SEMA5A: variants seen among roughly 807,000 people sequenced by gnomAD.
SEMA5A encodes the protein semaphorin-5A.
In SEMA5A, 55 loss-of-function variants were observed where a neutral mutation model predicts 135.5. The ratio of observed to expected loss-of-function variants is 0.41; its 90% CI spans 0.33 to 0.51. The LOEUF (loss-of-function observed/expected upper bound fraction) is 0.51. Among genes scored for constraint, SEMA5A ranks in the 20% least tolerant of loss-of-function variants. SEMA5A has a pLI of 0.37. For missense variants in SEMA5A, 1,290 were observed against 1,419.9 expected, an observed-to-expected ratio of 0.91 and a Z score of 1.47; for synonymous variants, 580 against 546.5, an observed-to-expected ratio of 1.06 and a Z score of -0.85.
chr5:9,266,380 A>G (rs1749684397), intron 5 of SEMA5A, among the ~76,000 whole-genome samples: 1 of 152,174 alleles, frequency 6.6e-6, no homozygotes, highest in African/African-American at 2.4e-5. Flanking sequence ...GAAATAAATG[A>G]TCTGGAGGGT....
chr5:9,229,238 A>G (rs1162851660), intron 6 of SEMA5A, among the ~76,000 whole-genome samples: 1 of 152,230 alleles, frequency 6.6e-6, no homozygotes, highest in Admixed American at 6.5e-5. Flanking sequence ...CTTCAGAAGA[A>G]TTACCAAATG....
intron 3 of SEMA5A, among the ~76,000 whole-genome samples, chr5:9,362,285 G>GA (rs1175531273): frequency 6.6e-6 from 1 of 152,128 alleles, no homozygotes; most frequent in Non-Finnish European, 1.5e-5. Flanking sequence ...GAGGATTCCA[G>GA]ACTTGACCTC....
intron 20 of SEMA5A, among the ~76,000 whole-genome samples, chr5:9,051,615 CAA>C (rs1255175122): frequency 3.9e-5 from 6 of 152,142 alleles, no homozygotes; most frequent in South Asian, 2.1e-4. Flanking sequence ...TTTTTTTGAG[CAA>C]AGTCTTCTGA....
At chr5:9,066,113 A>ACTC (rs1737448729) in intron 17 of SEMA5A, among the ~76,000 whole-genome samples, 1 of 152,206 alleles carries the variant, frequency 6.6e-6, no homozygotes, top group African/African-American at 2.4e-5. Flanking sequence ...AAGATCAGTG[A>ACTC]TGCTTCCCCA....
At chr5:9,046,578 C>A (rs547448624) in intron 21 of SEMA5A, among the ~76,000 whole-genome samples, 5 of 152,242 alleles carry the variant, frequency 3.3e-5, no homozygotes, top group South Asian at 2.1e-4. Context: ...GAACCTCATG[C>A]AACCCTCCAG....
At chr5:9,489,778 C>T (rs1392769081) in intron 1 of SEMA5A, among the ~76,000 whole-genome samples, 1 of 152,070 alleles carries the variant, frequency 6.6e-6, no homozygotes, top group African/African-American at 2.4e-5. Context: ...ATTCCAATAA[C>T]AGTGCAAATT....
chr5:9,474,839 G>A (rs1197679113), intron 1 of SEMA5A, among the ~76,000 whole-genome samples: 3 of 152,156 alleles, frequency 2.0e-5, no homozygotes, highest in Non-Finnish European at 4.4e-5. Flanking sequence ...AAGGGACATT[G>A]GTTTCTGAAA....
intron 3 of SEMA5A, among the ~76,000 whole-genome samples, chr5:9,360,952 A>G (rs1189098243): frequency 1.3e-5 from 2 of 152,208 alleles, no homozygotes; most frequent in East Asian, 1.9e-4. Flanking sequence ...CAAGATCTAT[A>G]AAGTATTTTT....
At chr5:9,454,187 C>G (rs1053098392) in intron 1 of SEMA5A, among the ~76,000 whole-genome samples, 1 of 152,144 alleles carries the variant, frequency 6.6e-6, no homozygotes, top group African/African-American at 2.4e-5. Context: ...GGCTGGTGGC[C>G]AAGGTCACGT....
intron 5 of SEMA5A, among the ~76,000 whole-genome samples, chr5:9,264,381 G>A (rs1749568346): frequency 1.3e-5 from 2 of 152,150 alleles, no homozygotes; most frequent in South Asian, 4.1e-4. Context: ...AGGACAAAGA[G>A]GAAGTGAAAA....
At chr5:9,267,225 A>T (rs1394217358) in intron 5 of SEMA5A, among the ~76,000 whole-genome samples, 1 of 151,990 alleles carries the variant, frequency 6.6e-6, no homozygotes, top group Non-Finnish European at 1.5e-5. Context: ...TCAGCTGAGA[A>T]GCCCGCCACA....
At chr5:9,469,773 C>T (rs1050597605) in intron 1 of SEMA5A, among the ~76,000 whole-genome samples, 1 of 152,120 alleles carries the variant, frequency 6.6e-6, no homozygotes, top group East Asian at 1.9e-4. Context: ...TTCAAGGCAA[C>T]CTTCAGCATG....
intron 1 of SEMA5A, among the ~76,000 whole-genome samples, chr5:9,465,294 T>C (rs1561275429): frequency 6.6e-6 from 1 of 152,216 alleles, no homozygotes; most frequent in Non-Finnish European, 1.5e-5. Flanking sequence ...ATGTAAAATA[T>C]AGTGACTTTC....
At chr5:9,468,966 G>C (rs1400977436) in intron 1 of SEMA5A, among the ~76,000 whole-genome samples, 2 of 152,090 alleles carry the variant, frequency 1.3e-5, no homozygotes, top group Non-Finnish European at 1.5e-5. Context: ...AAATTTCTAT[G>C]TTGGTGAGGC....
intron 11 of SEMA5A, among the ~76,000 whole-genome samples, chr5:9,166,266 G>A (rs902178163): frequency 2.0e-5 from 3 of 152,060 alleles, no homozygotes; most frequent in Non-Finnish European, 4.4e-5. Flanking sequence ...CACATAGTAG[G>A]TGCTCAAGCA....
At chr5:9,451,602 A>G (rs3822800) in intron 1 of SEMA5A, among the ~76,000 whole-genome samples, 1 of 152,208 alleles carries the variant, frequency 6.6e-6, no homozygotes, top group Admixed American at 6.5e-5. Flanking sequence ...ATTTGATGCA[A>G]TAATATGGTG....
chr5:9,071,346 C>A (rs1737759886), intron 16 of SEMA5A, among the ~76,000 whole-genome samples: 1 of 152,136 alleles, frequency 6.6e-6, no homozygotes, highest in African/African-American at 2.4e-5. Flanking sequence ...TCACCATAGG[C>A]CTGATTTAGA....
intron 3 of SEMA5A, among the ~76,000 whole-genome samples, chr5:9,365,414 T>C (rs1289671147): frequency 6.6e-6 from 1 of 152,198 alleles, no homozygotes; most frequent in Non-Finnish European, 1.5e-5. Flanking sequence ...CCAATGGGGC[T>C]CGGCAGGAGA....
chr5:9,281,483 G>A (rs1234605513), intron 5 of SEMA5A, among the ~76,000 whole-genome samples: 2 of 152,164 alleles, frequency 1.3e-5, no homozygotes, highest in African/African-American at 4.8e-5. Flanking sequence ...ATGCTGCCCA[G>A]GGCAGCCTAC....
Sources: gnomAD v4.1 joint callset for allele counts (sites outside exome capture counted in the v4.1 genomes callset) on GRCh38, gnomAD v4.1.1 for gene constraint, MANE v1.5 for transcripts, NCBI Gene and HGNC (gene_info 2026-07-23, HGNC 2026-07-21) for gene names.